Variants in TMEM63A observed in about 807,000 individuals in gnomAD.
TMEM63A encodes the protein transmembrane protein 63A, also known as mechanosensitive cation channel TMEM63A.
In TMEM63A, 76 loss-of-function variants were observed where a neutral mutation model predicts 100.6. The observed-to-expected ratio is 0.76, with a 90% CI of 0.63 to 0.91. TMEM63A has a LOEUF of 0.91. Among genes scored for constraint, TMEM63A ranks in the 40% least tolerant of loss-of-function variants. TMEM63A has a pLI of 0.00. For synonymous variants in TMEM63A, 401 were observed against 401.1 expected (o/e 1.00, Z 0.00); for missense variants, 876 against 1,008.8 (o/e 0.87, Z 1.78).
rs1007344844 is a variant in TMEM63A at position 225,865,040 on chromosome 1, A to C, written c.746+857T>G. On this transcript the variant is annotated intron_variant, in intron 10 of 24. Transcript: ENST00000366835. The surrounding 1 kb of genome is among the most constrained non-coding windows in gnomAD (Gnocchi z 4.6). ...GGAGGCTGAGGCAGGAAGATGCCTT[A>C]AGTCCAGGAGTTGAGGCCGCAGTAA... 6 of 152,194 alleles carry C rather than the reference A, an allele frequency of 3.9e-5. No individual in the cohort carries two copies. Among genetic ancestry groups the C allele is most frequent in the African/African-American group, 1.4e-4 (6 of 41,422 alleles). 9.4% of individuals were successfully genotyped at this position (152,194 alleles called of 1,614,324 possible). A position where few individuals can be genotyped will look rare whatever the true frequency, so the allele number is the denominator to read the frequency against.
At chr1:225,871,016 C>CCAAA (rs1670482186) in intron 6 of TMEM63A, 60 bp downstream of exon 6, 13 of 1,587,048 alleles carry the variant, frequency 8.2e-6, no homozygotes, top group Non-Finnish European at 1.1e-5. Flanking sequence ...TCTTGACTGG[C>CCAAA]CAAACACCCA....
downstream of TMEM63A, chr1:225,842,339 TCTCCCTTG>T: frequency 6.6e-7 from 1 of 1,515,660 alleles, no homozygotes; most frequent in South Asian, 1.1e-5. Context: ...GGCCTGAGTC[TCTCCCTTG>T]CTCCCCGCTC....
intron 20 of TMEM63A, among the ~76,000 whole-genome samples, chr1:225,851,030 C>T (rs567036570): frequency 2.2e-4 from 33 of 152,144 alleles, no homozygotes; most frequent in Admixed American, 1.5e-3. Context: ...TTTCATCCGT[C>T]GCTGGGTCAG....
intron 21 of TMEM63A, 81 bp from the exon 22 acceptor site, chr1:225,849,093 A>G: frequency 8.9e-7 from 1 of 1,125,332 alleles, no homozygotes; most frequent in Non-Finnish European, 1.3e-6. Flanking sequence ...AAGGGGCCGC[A>G]CCTGGTGTGG....
At chr1:225,859,593 G>A in intron 14 of TMEM63A, 1 of 509,628 alleles carries the variant, frequency 2.0e-6, no homozygotes, top group South Asian at 2.5e-5. Context: ...GAGATGGCAT[G>A]AGCACCCAAG....
rs200546742 is a variant in TMEM63A, at chr1:225,862,452, T to G, written c.951+3A>C. On this transcript the variant is annotated splice_donor_region_variant and intron_variant, in intron 12 of 24. Coordinates refer to ENST00000366835, the MANE Select transcript of TMEM63A (RefSeq NM_014698.3). This position sits in a 1 kb window ranked among gnomAD's most constrained non-coding sequence, Gnocchi z 5.1. ...GCTCCCAGCCGGGGGGTGGGACCCTTACCCACTCACAGCCCAGCACTTCAC... is the reference window on the plus strand; with the variant it reads ...GCTCCCAGCCGGGGGGTGGGACCCTGACCCACTCACAGCCCAGCACTTCAC... The G allele has an allele frequency of 5.9e-5, 95 of 1,613,956 alleles. No homozygotes were observed. The highest frequency in any genetic ancestry group is 3.4e-5 in the Non-Finnish European group (40 of 1,179,968).
intron 18 of TMEM63A, among the ~76,000 whole-genome samples, chr1:225,854,640 C>T (rs1669523865): frequency 6.6e-6 from 1 of 152,152 alleles, no homozygotes; most frequent in Admixed American, 6.5e-5. Flanking sequence ...CCGTGGTACC[C>T]AGTAAAACTC....
chr1:225,867,636 CT>C lies in TMEM63A; in HGVS notation c.514+251del, dbSNP rs534414710. ...AGTATAAAAGACTCTCTGATAGCCC[CT>C]GATTCTGTAAATCTTGGGGGGCTTT... On this transcript the variant is annotated intron_variant, in intron 7 of 24. Coordinates refer to ENST00000366835, the MANE Select transcript of TMEM63A (RefSeq NM_014698.3). This position sits in a 1 kb window ranked among gnomAD's most constrained non-coding sequence, Gnocchi z 4.6. Among the ~76,000 whole-genome samples, 17 of 152,268 alleles carry C rather than the reference CT, an allele frequency of 1.1e-4. No individual in the cohort carries two copies. The South Asian group carries it at 3.5e-3, about 32-fold the overall frequency.
At chr1:225,871,307 T>A (rs1670497790) in intron 5 of TMEM63A, among the ~76,000 whole-genome samples, 194 bp from the exon 6 acceptor site, 1 of 152,218 alleles carries the variant, frequency 6.6e-6, no homozygotes, top group African/African-American at 2.4e-5. Context: ...TGCTAAAATC[T>A]CCTGACAACT....
At position 225,859,313 on chromosome 1, in the gene TMEM63A, T is replaced by C. The variant is rs1346781118; in HGVS notation, c.1260A>G (p.Leu420=). The C allele has an allele frequency of 1.1e-5, 18 of 1,614,036 alleles. No homozygotes were observed. Among genetic ancestry groups the C allele is most frequent in the Non-Finnish European group, 1.4e-5 (17 of 1,180,036 alleles). The change falls in exon 15 of 25, where the codon CTA becomes CTG. Residue 420 remains leucine (L), a synonymous_variant. Transcript: ENST00000366835. ...GGGTGAAGTTGATGCCCAGCCACTG[T>C]AGCCACCAGCGGAGGCCCTGGATAG... ...NLSIQGLRWW[L]QWLGINFTLF...
chr1:225,857,384 C>CGGGGGGGGGGGGGGCG (rs752790126), intron 15 of TMEM63A, among the ~76,000 whole-genome samples: 1 of 93,868 alleles, frequency 1.1e-5, no homozygotes, highest in Non-Finnish European at 2.0e-5. Flanking sequence ...GCCGGCGGGG[C>CGGGGGGGGGGGGGGCG]GGGGGGGGGG....
rs769184113 is a variant in TMEM63A at position 225,867,869 on chromosome 1, G to C, written c.514+19C>G. The C allele has an allele frequency of 6.2e-7, 1 of 1,613,934 alleles. No homozygotes were observed. The highest frequency in any genetic ancestry group is 8.5e-7 in the Non-Finnish European group (1 of 1,179,964). ...CTCTGCCCCATTACAACATAGACAAGGGTGAGGAGGGTCATTACCCAGCAA... is the reference window on the plus strand; with the variant it reads ...CTCTGCCCCATTACAACATAGACAACGGTGAGGAGGGTCATTACCCAGCAA... On this transcript the variant is annotated intron_variant, in intron 7 of 24. Coordinates refer to ENST00000366835, the MANE Select transcript of TMEM63A (RefSeq NM_014698.3). The surrounding 1 kb of genome is among the most constrained non-coding windows in gnomAD (Gnocchi z 4.6).
At chr1:225,871,539 A>G (rs1046440992) in intron 5 of TMEM63A, 1 of 210,300 alleles carries the variant, frequency 4.8e-6, no homozygotes, top group Admixed American at 5.2e-5. Flanking sequence ...TAAACTTAAT[A>G]CCCCTAAAGC....
At chr1:225,844,409 G>T, downstream of TMEM63A, 1 of 1,604,516 alleles carries the variant, frequency 6.2e-7, no homozygotes, top group Non-Finnish European at 8.5e-7. Context: ...GCATGGGCAG[G>T]GCCTGGCATT....
chr1:225,870,797 A>C (rs1336399216), intron 6 of TMEM63A, among the ~76,000 whole-genome samples: 1 of 152,164 alleles, frequency 6.6e-6, no homozygotes, highest in Non-Finnish European at 1.5e-5. Flanking sequence ...AACTCTTGGG[A>C]TCCAGCTCAA....
intron 13 of TMEM63A, chr1:225,861,571 C>T (rs558053467): frequency 1.3e-5 from 2 of 154,856 alleles, no homozygotes; most frequent in Admixed American, 6.4e-5. Context: ...GGCAGGAAGT[C>T]CTGTGTGAGT....
At chr1:225,847,441 A>G in intron 23 of TMEM63A, 2 of 492,942 alleles carry the variant, frequency 4.1e-6, no homozygotes, top group Non-Finnish European at 7.2e-6. Flanking sequence ...ATGATCACAG[A>G]AGGAAGCACA....
At position 225,865,451 on chromosome 1, in the gene TMEM63A, T is replaced by C. The variant is rs763943134; in HGVS notation, c.746+446A>G. 3.1e-5 allele frequency: 5 copies of C among 160,498 alleles called. No homozygotes were observed. Among genetic ancestry groups the C allele is most frequent in the Non-Finnish European group, 5.5e-5 (4 of 72,476 alleles). 9.9% of individuals were successfully genotyped at this position (160,498 alleles called of 1,614,324 possible). On this transcript the variant is annotated intron_variant, in intron 10 of 24. Transcript: ENST00000366835. The surrounding 1 kb of genome is among the most constrained non-coding windows in gnomAD (Gnocchi z 4.6). ...GCTCACTCAACAGACACCCGCTCAG[T>C]GGGTGGACAAACGAACAAACGCAGA...
intron 23 of TMEM63A, among the ~76,000 whole-genome samples, chr1:225,847,817 C>A (rs1315161261): frequency 1.3e-5 from 2 of 152,172 alleles, no homozygotes; most frequent in Non-Finnish European, 2.9e-5. Flanking sequence ...AGGACAGACA[C>A]CGATAAGAGA....
Sources: gnomAD v4.1 joint callset for allele counts (sites outside exome capture counted in the v4.1 genomes callset) on GRCh38, gnomAD v4.1.1 for gene constraint, Gnocchi (gnomAD v3.1) non-coding constraint, MANE v1.5 for transcripts, NCBI Gene and HGNC (gene_info 2026-07-23, HGNC 2026-07-21) for gene names.